KAT6B: variants seen among roughly 807,000 people sequenced by gnomAD.
KAT6B encodes lysine acetyltransferase 6B.
A neutral mutation model predicts 187.5 loss-of-function variants in KAT6B; 10 were observed. The ratio of observed to expected loss-of-function variants is 0.05; its 90% CI spans 0.03 to 0.09. KAT6B has a LOEUF of 0.09. Ranked by LOEUF, KAT6B falls within the 10% of genes least tolerant of loss-of-function variation. The pLI, the probability that KAT6B is intolerant of heterozygous loss-of-function variation, is 1.00. For missense variants in KAT6B, 1,952 were observed against 2,558.9 expected, an observed-to-expected ratio of 0.76 and a Z score of 5.12; for synonymous variants, 861 against 926.8, an observed-to-expected ratio of 0.93 and a Z score of 1.29.
intron 2 of KAT6B, 135 bp from the exon 3 acceptor site, chr10:74,842,465 C>G (rs1275717221): frequency 2.4e-5 from 11 of 459,798 alleles, no homozygotes; most frequent in Non-Finnish European, 4.2e-5. Flanking sequence ...GTCACTGTGG[C>G]TGTGTTATGT....
chr10:74,946,278 C>G (rs1250242203), intron 3 of KAT6B, among the ~76,000 whole-genome samples: 1 of 152,122 alleles, frequency 6.6e-6, no homozygotes, highest in Non-Finnish European at 1.5e-5. Context: ...AGTTATATCT[C>G]TACTTTACTT....
At chr10:74,842,195 T>G (rs1470311774) in intron 2 of KAT6B, among the ~76,000 whole-genome samples, 1 of 152,214 alleles carries the variant, frequency 6.6e-6, no homozygotes, top group East Asian at 1.9e-4. Context: ...TTTTTTTAAG[T>G]TTAAGATTTT....
At chr10:74,902,409 A>G (rs954301589) in intron 3 of KAT6B, among the ~76,000 whole-genome samples, 1 of 152,194 alleles carries the variant, frequency 6.6e-6, no homozygotes, top group Admixed American at 6.5e-5. Context: ...GTTGGGGCAA[A>G]TACCATGATT....
chr10:74,936,673 T>C (rs572766289), intron 3 of KAT6B, among the ~76,000 whole-genome samples: 10 of 152,050 alleles, frequency 6.6e-5, no homozygotes, highest in African/African-American at 1.9e-4. Context: ...CAATGTGTGG[T>C]TTTTGTGTGT....
intron 13 of KAT6B, among the ~76,000 whole-genome samples, chr10:74,997,827 C>G (rs549098573): frequency 1.3e-5 from 2 of 151,812 alleles, no homozygotes; most frequent in Admixed American, 6.6e-5. Context: ...TATTTAAAAA[C>G]TAGGCTGGGG....
At chr10:74,827,786 G>C (rs1156582141) in intron 1 of KAT6B, among the ~76,000 whole-genome samples, 2 of 152,058 alleles carry the variant, frequency 1.3e-5, no homozygotes, top group Admixed American at 1.3e-4. Flanking sequence ...GCAGAGAAAG[G>C]TGTTAGTTTG....
At position 74,863,081 on chromosome 10, in the gene KAT6B, C is replaced by A. The variant is rs562084320; in HGVS notation, c.621+19603C>A. ...TCTATTATTTTCAGAGTAACACATG[C>A]TCCTTGTACAGACTTTGAAAAACAG... On this transcript the variant is annotated intron_variant, in intron 3 of 17. Transcript: ENST00000287239. 2.0e-5 allele frequency among the ~76,000 whole-genome samples: 3 copies of A among 152,268 alleles called. No homozygotes were observed. The South Asian group carries it at 6.2e-4, about 32-fold the overall frequency.
chr10:74,861,286 A>G (rs1843166291), intron 3 of KAT6B, among the ~76,000 whole-genome samples: 1 of 152,236 alleles, frequency 6.6e-6, no homozygotes, highest in Non-Finnish European at 1.5e-5. Context: ...TGGGTGACAG[A>G]GCGAGACTCT....
At chr10:74,878,619 CAAAA>C (rs11365400) in intron 3 of KAT6B, among the ~76,000 whole-genome samples, 1 of 71,972 alleles carries the variant, frequency 1.4e-5, no homozygotes, top group African/African-American at 4.3e-5. Context: ...GACTCCATCT[CAAAA>C]AAAAAAAAAA....
intron 3 of KAT6B, among the ~76,000 whole-genome samples, chr10:74,904,938 A>G (rs919141863): frequency 1.2e-4 from 19 of 152,140 alleles, no homozygotes; most frequent in Non-Finnish European, 2.6e-4. Flanking sequence ...GAGAACTTCT[A>G]CCTTCACTAG....
chr10:74,848,766 A>G (rs1539331), intron 3 of KAT6B, among the ~76,000 whole-genome samples: 16,308 of 152,144 alleles, frequency 0.11, 1,243 homozygotes, highest in South Asian at 0.28. Context: ...TTGTCGACCT[A>G]TGATGATTCT....
At chr10:75,013,130 G>C (rs1361612935) in intron 13 of KAT6B, among the ~76,000 whole-genome samples, 1 of 152,180 alleles carries the variant, frequency 6.6e-6, no homozygotes, top group Non-Finnish European at 1.5e-5. Flanking sequence ...TTTTCCCAGA[G>C]ACACACTTGA....
chr10:74,969,510 G>A, intron 4 of KAT6B, 150 bp from the exon 5 acceptor site: 13 of 663,948 alleles, frequency 2.0e-5, no homozygotes. Context: ...AGGAAAATCT[G>A]TAATTCGGAT....
chr10:74,978,345 G>A (rs533621564), intron 9 of KAT6B, among the ~76,000 whole-genome samples: 1 of 152,334 alleles, frequency 6.6e-6, no homozygotes. Context: ...GCCCAGGTTG[G>A]AAATGGAGCA....
intron 3 of KAT6B, among the ~76,000 whole-genome samples, chr10:74,935,899 T>A (rs1008681948): frequency 2.6e-5 from 4 of 152,222 alleles, no homozygotes; most frequent in South Asian, 2.1e-4. Context: ...TAATTTTTTT[T>A]AAAAGGATAG....
At chr10:74,932,009 G>GCT (rs1848918618) in intron 3 of KAT6B, among the ~76,000 whole-genome samples, 1 of 152,236 alleles carries the variant, frequency 6.6e-6, no homozygotes, top group Non-Finnish European at 1.5e-5. Context: ...ACCACGCCCG[G>GCT]CTGAAAGCAT....
chr10:74,830,705 A>G (rs964168302), intron 1 of KAT6B, among the ~76,000 whole-genome samples: 4 of 111,248 alleles, frequency 3.6e-5, no homozygotes, highest in Non-Finnish European at 6.9e-5. Flanking sequence ...CGTTTACCTG[A>G]TTAGTAATCA....
At chr10:74,967,542 G>A (rs755525489) in intron 4 of KAT6B, among the ~76,000 whole-genome samples, 1 of 152,098 alleles carries the variant, frequency 6.6e-6, no homozygotes, top group Non-Finnish European at 1.5e-5. Flanking sequence ...TCATCCCTCA[G>A]CATCCTTTAC....
chr10:74,952,959 C>G (rs886834610), intron 3 of KAT6B, among the ~76,000 whole-genome samples: 22 of 150,608 alleles, frequency 1.5e-4, no homozygotes, highest in African/African-American at 5.1e-4. Flanking sequence ...CTCGGCCTCC[C>G]AAAGTGTGGG....
Sources: allele counts gnomAD v4.1 joint callset (sites outside exome capture counted in the v4.1 genomes callset), GRCh38; gene constraint gnomAD v4.1.1; transcripts MANE v1.5; gene names NCBI Gene and HGNC (gene_info 2026-07-23, HGNC 2026-07-21).